The following SYT1 variants were observed in gnomAD, a reference collection of about 807,000 sequenced individuals.
SYT1 encodes synaptotagmin 1, also known as synaptotagmin-1.
A neutral mutation model predicts 44.8 loss-of-function variants in SYT1; 8 were observed. The observed-to-expected ratio is 0.18, with a 90% CI of 0.10 to 0.32. The LOEUF (loss-of-function observed/expected upper bound fraction) is 0.32. SYT1 is among the 10% of genes least tolerant of loss of function. The pLI, the probability that SYT1 is intolerant of heterozygous loss-of-function variation, is 1.00. For synonymous variants in SYT1, 154 were observed against 188.8 expected (o/e 0.82, Z 1.51); for missense variants, 286 against 509.3 (o/e 0.56, Z 4.22).
chr12:79,028,047 T>C (rs998006252), intron 2 of SYT1, among the ~76,000 whole-genome samples: 16 of 151,530 alleles, frequency 1.1e-4, no homozygotes, highest in African/African-American at 3.9e-4. Context: ...GGATATTGAA[T>C]ATGACCAAAT....
intron 3 of SYT1, among the ~76,000 whole-genome samples, chr12:79,114,462 G>A (rs1161422371): frequency 2.6e-5 from 4 of 152,108 alleles, no homozygotes; most frequent in South Asian, 2.1e-4. Context: ...TGGGAGGTAA[G>A]GGGGCTGATG....
chr12:79,320,579 G>T (rs1218878618), intron 8 of SYT1, among the ~76,000 whole-genome samples: 2 of 151,416 alleles, frequency 1.3e-5, no homozygotes, highest in African/African-American at 4.9e-5. Flanking sequence ...ATATCAGCTG[G>T]TGCTATGGCT....
chr12:79,315,671 C>T (rs1881048289), intron 8 of SYT1, among the ~76,000 whole-genome samples: 1 of 152,144 alleles, frequency 6.6e-6, no homozygotes, highest in Non-Finnish European at 1.5e-5. Context: ...ATTCTAGTCT[C>T]TCTTTAAAGT....
chr12:79,415,912 A>T (rs148551320), intron 9 of SYT1, among the ~76,000 whole-genome samples: 17 of 152,240 alleles, frequency 1.1e-4, no homozygotes, highest in Admixed American at 6.5e-4. Context: ...TTCAAAGTCT[A>T]CCTACCCATT....
At chr12:78,885,301 A>G (rs1411935380) in intron 1 of SYT1, among the ~76,000 whole-genome samples, 7 of 95,088 alleles carry the variant, frequency 7.4e-5, no homozygotes, top group East Asian at 3.8e-4. Context: ...AGGAGAGAAG[A>G]AAGGAGAGAG....
intron 9 of SYT1, among the ~76,000 whole-genome samples, chr12:79,400,500 G>A (rs991423588): frequency 6.6e-6 from 1 of 152,056 alleles, no homozygotes; most frequent in Non-Finnish European, 1.5e-5. Context: ...TGTATCAGAC[G>A]GAAACTGAAA....
chr12:78,896,672 T>C (rs1875376430), intron 1 of SYT1, among the ~76,000 whole-genome samples: 1 of 151,826 alleles, frequency 6.6e-6, no homozygotes, highest in Non-Finnish European at 1.5e-5. Flanking sequence ...AATATTTTCA[T>C]TAATTATTTA....
chr12:78,947,659 T>C (rs1036839653), intron 1 of SYT1, among the ~76,000 whole-genome samples: 1 of 152,142 alleles, frequency 6.6e-6, no homozygotes, highest in Admixed American at 6.6e-5. Context: ...AAATAGCTAA[T>C]GTAGCTTTGG....
At chr12:79,091,575 C>T (rs1229836714) in intron 3 of SYT1, among the ~76,000 whole-genome samples, 1 of 151,888 alleles carries the variant, frequency 6.6e-6, no homozygotes, top group Admixed American at 6.6e-5. Flanking sequence ...CCAGCTTCAG[C>T]TTTCAGGGCT....
intron 3 of SYT1, among the ~76,000 whole-genome samples, chr12:79,053,092 G>A (rs1874645234): frequency 6.6e-6 from 1 of 152,098 alleles, no homozygotes; most frequent in African/African-American, 2.4e-5. Flanking sequence ...CAATAGCAAA[G>A]ACTTGGAACC....
chr12:79,349,017 A>AAGAG (rs1565919783), intron 8 of SYT1, among the ~76,000 whole-genome samples: 1 of 138,752 alleles, frequency 7.2e-6, no homozygotes, highest in Admixed American at 7.5e-5. Flanking sequence ...GAAAGAAAGA[A>AAGAG]AGAAAGAAAG....
chr12:79,172,106 G>A (rs1001477679), intron 3 of SYT1, among the ~76,000 whole-genome samples: 1 of 151,886 alleles, frequency 6.6e-6, no homozygotes, highest in South Asian at 2.1e-4. Context: ...AAGTGCCTAA[G>A]TAATTTCTAA....
chr12:79,324,274 A>C (rs1367872876), intron 8 of SYT1, among the ~76,000 whole-genome samples: 1 of 152,158 alleles, frequency 6.6e-6, no homozygotes, highest in Non-Finnish European at 1.5e-5. Context: ...ATATACAAAA[A>C]TACAAATGCA....
At chr12:79,072,563 T>C (rs1411526978) in intron 3 of SYT1, among the ~76,000 whole-genome samples, 2 of 152,156 alleles carry the variant, frequency 1.3e-5, no homozygotes, top group African/African-American at 4.8e-5. Context: ...GCGTAAATGG[T>C]ATGCAAAAAT....
intron 1 of SYT1, among the ~76,000 whole-genome samples, chr12:78,911,377 G>A (rs1042036121): frequency 2.0e-5 from 3 of 151,966 alleles, no homozygotes; most frequent in Non-Finnish European, 4.4e-5. Flanking sequence ...AATTCAAGCT[G>A]TGGATGTGGA....
chr12:78,891,940 A>T (rs770272014), intron 1 of SYT1, among the ~76,000 whole-genome samples: 2 of 151,922 alleles, frequency 1.3e-5, no homozygotes, highest in Non-Finnish European at 2.9e-5. Context: ...AATAAATTCT[A>T]TGTGCAATCA....
chr12:79,174,294 A>G (rs1347558049), intron 3 of SYT1, among the ~76,000 whole-genome samples: 3 of 152,056 alleles, frequency 2.0e-5, no homozygotes, highest in Non-Finnish European at 4.4e-5. Flanking sequence ...GACATTGATG[A>G]AGAATTAAAT....
chr12:78,896,783 A>T (rs1311733734), intron 1 of SYT1, among the ~76,000 whole-genome samples: 1 of 151,846 alleles, frequency 6.6e-6, no homozygotes, highest in Admixed American at 6.6e-5. Flanking sequence ...AAAATATCTG[A>T]ATTATCTTCA....
At chr12:79,274,939 T>G (rs1646849379) in intron 4 of SYT1, among the ~76,000 whole-genome samples, 1 of 152,196 alleles carries the variant, frequency 6.6e-6, no homozygotes, top group African/African-American at 2.4e-5. Flanking sequence ...AGCTGGTGCT[T>G]GCACCTGCCA....
Sources: allele counts gnomAD v4.1 joint callset (sites outside exome capture counted in the v4.1 genomes callset), GRCh38; gene constraint gnomAD v4.1.1; transcripts MANE v1.5; gene names NCBI Gene and HGNC (gene_info 2026-07-23, HGNC 2026-07-21).